The following VWF variants were observed in gnomAD, a reference collection of about 807,000 sequenced individuals.
The protein encoded by VWF is Factor VIII related antigen.
Under a neutral mutation model 308.6 loss-of-function variants are expected in VWF, and 176 were observed. The ratio of observed to expected loss-of-function variants is 0.57; its 90% CI spans 0.50 to 0.65. The LOEUF (loss-of-function observed/expected upper bound fraction) is 0.65, where lower values mean the gene tolerates loss of function less well. VWF is among the 30% of genes least tolerant of loss of function. The pLI, the probability that VWF is intolerant of heterozygous loss-of-function variation, is 0.00. For missense variants in VWF, 3,146 were observed against 3,648.2 expected, an observed-to-expected ratio of 0.86 and a Z score of 3.55; for synonymous variants, 1,385 against 1,443.4, an observed-to-expected ratio of 0.96 and a Z score of 0.92.
rs115976170 is a variant in VWF at position 6,103,647 on chromosome 12, G to A, written c.532+6727C>T. 2.0e-3 allele frequency among the ~76,000 whole-genome samples: 294 copies of A among 150,608 alleles called. 1 individual carries two copies. The highest frequency in any genetic ancestry group is 6.8e-3 in the African/African-American group (282 of 41,210). On this transcript the variant is annotated intron_variant, in intron 5 of 51. Transcript: ENST00000261405. ...AGTTGATATTTGACAAAGCTGACAA[G>A]AATATATACTAGGGAAAGGACACCC...
chr12:6,019,851 C>T lies in VWF; in HGVS notation c.3675-108G>A. 7.0e-6 allele frequency: 9 copies of T among 1,285,946 alleles called. No homozygotes were observed. Among genetic ancestry groups the T allele is most frequent in the Non-Finnish European group, 8.7e-6 (8 of 920,136 alleles). The allele number at this position is 1,285,946 out of a possible 1,614,324, so 79.7% of individuals were successfully genotyped here. A position where few individuals can be genotyped will look rare whatever the true frequency, so the allele number is the denominator to read the frequency against. On this transcript the variant is annotated intron_variant, in intron 27 of 51. Coordinates refer to ENST00000261405, the MANE Select transcript of VWF (RefSeq NM_000552.5). The surrounding 1 kb of genome is among the most constrained non-coding windows in gnomAD (Gnocchi z 5.8). ...ATATTCCCACAGAATCTCCTCTGTT[C>T]CACCTGAACTTGAGATCCCATGGAC...
In VWF at chr12:5,951,780, T is replaced by C. The variant is rs1943193277; in HGVS notation, c.8155+64A>G. The C allele has an allele frequency of 2.5e-6, 4 of 1,573,236 alleles. No homozygotes were observed. The Admixed American group carries it at 5.0e-5, about 20-fold the overall frequency. ...TGCTAATGGGTTTCAAGGAGCAAGC[T>C]GCAAAGAGCCCCTGGACTTGCTCTG... is the stretch of plus-strand genomic sequence containing the variant. On this transcript the variant is annotated intron_variant, in intron 50 of 51. Coordinates refer to ENST00000261405, the MANE Select transcript of VWF (RefSeq NM_000552.5).
chr12:6,112,827 G>GACACACAGAC (rs780881177), intron 3 of VWF, among the ~76,000 whole-genome samples: 45 of 145,154 alleles, frequency 3.1e-4, no homozygotes, highest in African/African-American at 1.1e-3. Flanking sequence ...CAGACACACA[G>GACACACAGAC]ACACACACAC....
In VWF at chr12:6,057,039, GTCAGGACCGCGCA is replaced by G; in HGVS notation, c.1750_1762del (p.Cys584ArgfsTer63). The G allele has an allele frequency of 2.6e-6, 4 of 1,547,196 alleles. No homozygotes were observed. Among genetic ancestry groups the G allele is most frequent in the Non-Finnish European group, 2.6e-6 (3 of 1,152,324 alleles). On this transcript the variant is annotated frameshift_variant, in exon 15 of 52. Coordinates refer to ENST00000261405, the MANE Select transcript of VWF (RefSeq NM_000552.5). LOFTEE classifies it high-confidence loss of function. ...ATGGCAGGCCTCGAATGTGGGGGAC[GTCAGGACCGCGCA>G]CGCCTCCTCGGAGAACCTGGCTGTG...
At chr12:5,985,928 A>C (rs1488508476) in intron 38 of VWF, among the ~76,000 whole-genome samples, 1 of 152,226 alleles carries the variant, frequency 6.6e-6, no homozygotes, top group Non-Finnish European at 1.5e-5. Context: ...GCTAAAACCA[A>C]GCAAAGAAAG....
chr12:6,020,743 G>A lies in VWF; in HGVS notation c.3675-1000C>T, dbSNP rs1294653217. On this transcript the variant is annotated intron_variant, in intron 27 of 51. Coordinates refer to ENST00000261405, the MANE Select transcript of VWF (RefSeq NM_000552.5). This position sits in a 1 kb window ranked among gnomAD's most constrained non-coding sequence, Gnocchi z 4.3. ...CCAGTAAAGCTGACAAGGCGGCAGCGCCCTGAGCCTGGGAAGTGTCCCCCT... is the reference window on the plus strand; with the variant it reads ...CCAGTAAAGCTGACAAGGCGGCAGCACCCTGAGCCTGGGAAGTGTCCCCCT... Among the ~76,000 whole-genome samples the A allele has an allele frequency of 3.9e-5, 6 of 152,238 alleles. No individual in the cohort carries two copies. Among genetic ancestry groups the A allele is most frequent in the Non-Finnish European group, 7.3e-5 (5 of 68,046 alleles).
At chr12:5,989,867 A>AT (rs1389559238) in intron 38 of VWF, among the ~76,000 whole-genome samples, 14 of 152,220 alleles carry the variant, frequency 9.2e-5, no homozygotes, top group African/African-American at 3.1e-4. Context: ...GAGAGCAAGC[A>AT]TTTTGCCACT....
At chr12:6,042,437 G>A (rs1005940291) in intron 18 of VWF, among the ~76,000 whole-genome samples, 2 of 152,202 alleles carry the variant, frequency 1.3e-5, no homozygotes, top group African/African-American at 4.8e-5. Context: ...TTATGGCCAA[G>A]AACACGTGTC....
chr12:6,009,764 G>T (rs1026306803), intron 34 of VWF, among the ~76,000 whole-genome samples: 3 of 151,988 alleles, frequency 2.0e-5, no homozygotes, highest in Non-Finnish European at 4.4e-5. Flanking sequence ...AAGAAAATGT[G>T]GTATATACAT....
chr12:6,008,362 C>T (rs1943953289), intron 34 of VWF, among the ~76,000 whole-genome samples: 1 of 152,040 alleles, frequency 6.6e-6, no homozygotes. Flanking sequence ...GAGAATGGCT[C>T]AACGTCTAAA....
chr12:6,009,945 A>G (rs1943973462), intron 34 of VWF, among the ~76,000 whole-genome samples: 1 of 152,154 alleles, frequency 6.6e-6, no homozygotes, highest in South Asian at 2.1e-4. Flanking sequence ...ATAGAAGCAA[A>G]AAGCAGAATG....
intron 48 of VWF, among the ~76,000 whole-genome samples, chr12:5,953,249 T>C (rs1279475493): frequency 6.6e-6 from 1 of 151,588 alleles, no homozygotes; most frequent in East Asian, 1.9e-4. Context: ...AAAAGATCAA[T>C]CAACTCCAAA....
At chr12:6,034,892 T>C in intron 19 of VWF, 66 bp from the exon 20 acceptor site, 4 of 1,596,126 alleles carry the variant, frequency 2.5e-6, no homozygotes, top group Non-Finnish European at 2.6e-6. Context: ...ATCTGGGCCA[T>C]GGAGGCAATG....
At chr12:5,968,928 C>T (rs148556513) in intron 45 of VWF, among the ~76,000 whole-genome samples, 12 of 152,324 alleles carry the variant, frequency 7.9e-5, no homozygotes, top group African/African-American at 1.2e-4. Context: ...GCAAGTTGAA[C>T]GCCTTCCCCT....
chr12:5,966,187 C>T (rs576278827), intron 47 of VWF, among the ~76,000 whole-genome samples: 5 of 152,066 alleles, frequency 3.3e-5, no homozygotes, highest in African/African-American at 1.2e-4. Flanking sequence ...AGTGGACATC[C>T]CAGGAAAAAG....
rs1478098445 is a variant in VWF at position 5,948,913 on chromosome 12, C to T, written c.*102G>A. ...AAGAGCTCAGCCTTTATTGTGGGCT[C>T]AGAAGGGCACAAGAGCAGAACATGC... On this transcript the variant is annotated 3_prime_UTR_variant, in exon 52 of 52. Coordinates refer to ENST00000261405, the MANE Select transcript of VWF (RefSeq NM_000552.5). This position sits in a 1 kb window ranked among gnomAD's most constrained non-coding sequence, Gnocchi z 4.4. The T allele has an allele frequency of 4.4e-6, 6 of 1,369,164 alleles. No individual in the cohort carries two copies. The highest frequency in any genetic ancestry group is 6.1e-6 in the Non-Finnish European group (6 of 984,300). 84.8% of individuals were successfully genotyped at this position (1,369,164 alleles called of 1,614,324 possible).
intron 47 of VWF, among the ~76,000 whole-genome samples, chr12:5,958,995 C>T: frequency 6.6e-6 from 1 of 152,024 alleles, no homozygotes; most frequent in South Asian, 2.1e-4. Context: ...GTGGGAGGAT[C>T]GCTTGAGCCC....
rs61750616 is a variant in VWF at position 5,994,149 on chromosome 12, G to A, written c.6311C>T (p.Thr2104Ile). ...CTGAACAAGTGTTTTCCAGTCTGTG[G>A]TGACTGTGCCATCCCTCAGCATGAA... Reference protein sequence around the residue: ...NDFMLRDGTVTTDWKTLVQEW... With the variant: ...NDFMLRDGTVITDWKTLVQEW... The change falls in exon 37 of 52, where the codon ACC (threonine) becomes ATC (isoleucine). Residue 2104 changes from threonine to isoleucine, a missense_variant. By Grantham distance (89) the Thr-to-Ile change is moderately conservative (BLOSUM62 -1). Around this residue, in one of 3 missense-constraint regions of VWF, gnomAD observed 989 missense variants for 1,117.4 expected, o/e 0.89. Transcript: ENST00000261405. 4.0e-5 allele frequency: 64 copies of A among 1,613,990 alleles called. No homozygotes were observed. In the East Asian group the frequency reaches 1.4e-3, roughly 35 times the overall value.
chr12:6,121,340 TG>T lies in VWF; in HGVS notation c.56-3del, dbSNP rs758219558. On this transcript the variant is annotated splice_polypyrimidine_tract_variant and splice_region_variant and intron_variant, in intron 2 of 51. Transcript: ENST00000261405. ...GAGTTCCTTCTGCACAAAGGGTCCC[TG>T]GAGGGAGAGGCCACAGGTTGGGCTG... The T allele has an allele frequency of 1.3e-5, 21 of 1,613,878 alleles. No individual in the cohort carries two copies. In the South Asian group the frequency reaches 2.3e-4, roughly 18 times the overall value.
Sources: gnomAD v4.1 joint callset for allele counts (sites outside exome capture counted in the v4.1 genomes callset) on GRCh38, gnomAD v4.1.1 for gene constraint, gnomAD v4.1.1 regional missense constraint, Gnocchi (gnomAD v3.1) non-coding constraint, MANE v1.5 for transcripts, NCBI Gene and HGNC (gene_info 2026-07-23, HGNC 2026-07-21) for gene names.